Variants in PTPRG observed in about 807,000 individuals in gnomAD.
PTPRG encodes the protein protein tyrosine phosphatase receptor type G.
Under a neutral mutation model 165.3 loss-of-function variants are expected in PTPRG, and 102 were observed. The observed-to-expected ratio is 0.62, with a 90% CI of 0.53 to 0.73. PTPRG has a LOEUF of 0.73. Ranked by LOEUF, PTPRG falls within the 30% of genes least tolerant of loss-of-function variation. The pLI, the probability that PTPRG is intolerant of heterozygous loss-of-function variation, is 0.00. For synonymous variants in PTPRG, 675 were observed against 669.5 expected (o/e 1.01, Z -0.13); for missense variants, 1,866 against 1,861.4 (o/e 1.00, Z -0.05).
At chr3:62,116,798 T>A (rs1031636945) in intron 5 of PTPRG, among the ~76,000 whole-genome samples, 3 of 152,198 alleles carry the variant, frequency 2.0e-5, no homozygotes, top group African/African-American at 7.2e-5. Context: ...AACACACATT[T>A]CTTCTGGGAC....
chr3:61,876,603 C>T (rs1411442483), intron 2 of PTPRG, among the ~76,000 whole-genome samples: 1 of 152,092 alleles, frequency 6.6e-6, no homozygotes, highest in Non-Finnish European at 1.5e-5. Flanking sequence ...CATAACAAAA[C>T]TAGGTTAAAC....
intron 1 of PTPRG, among the ~76,000 whole-genome samples, chr3:61,744,441 C>T (rs565966734): frequency 3.9e-5 from 6 of 152,332 alleles, no homozygotes; most frequent in Admixed American, 1.3e-4. Context: ...TGCTAGGCTA[C>T]AAACCTGTAC....
In PTPRG at chr3:62,178,015, G is replaced by T. The variant is rs578006899; in HGVS notation, c.1033+9852G>T. ...TGCTATGGTAACTGTTGACTCCTCAGTAAATACTGGATTGGATGGGTTGTT... is the reference window on the plus strand; with the variant it reads ...TGCTATGGTAACTGTTGACTCCTCATTAAATACTGGATTGGATGGGTTGTT... On this transcript the variant is annotated intron_variant, in intron 8 of 29. Transcript: ENST00000474889. Among the ~76,000 whole-genome samples, 301 of 118,776 alleles carry T rather than the reference G, an allele frequency of 2.5e-3. 2 individuals carry two copies. The highest frequency in any genetic ancestry group is 9.0e-3 in the African/African-American group (282 of 31,342). 77.9% of individuals were successfully genotyped at this position (118,776 alleles called of 152,430 possible).
intron 5 of PTPRG, among the ~76,000 whole-genome samples, chr3:62,099,949 C>T (rs562645824): frequency 2.6e-5 from 4 of 151,878 alleles, no homozygotes; most frequent in Admixed American, 6.6e-5. Flanking sequence ...CAGGCGTGCA[C>T]CACCAAGCCC....
chr3:61,885,290 C>T (rs994640992), intron 2 of PTPRG, among the ~76,000 whole-genome samples: 1 of 152,066 alleles, frequency 6.6e-6, no homozygotes, highest in Non-Finnish European at 1.5e-5. Context: ...TTCAAAAAAC[C>T]ACCTGTGTGG....
At chr3:62,080,641 AAAAC>A (rs968414348) in intron 5 of PTPRG, among the ~76,000 whole-genome samples, 1 of 152,200 alleles carries the variant, frequency 6.6e-6, no homozygotes, top group African/African-American at 2.4e-5. Context: ...AAATTTAAAA[AAAAC>A]TTTTTAATGT....
At chr3:61,638,030 C>T (rs1437787132) in intron 1 of PTPRG, among the ~76,000 whole-genome samples, 1 of 151,808 alleles carries the variant, frequency 6.6e-6, no homozygotes, top group African/African-American at 2.4e-5. Flanking sequence ...GACGTAATTA[C>T]AAAAAAAATT....
chr3:61,983,323 A>C (rs1023179909), intron 2 of PTPRG, among the ~76,000 whole-genome samples: 1 of 152,172 alleles, frequency 6.6e-6, no homozygotes, highest in African/African-American at 2.4e-5. Flanking sequence ...AGCATTAATT[A>C]TAATAGGTAA....
rs1007555 is a variant in PTPRG at position 62,213,797 on chromosome 3, G to T, written c.2156-5054G>T. Among the ~76,000 whole-genome samples, 65,788 of 151,968 alleles carry T rather than the reference G, an allele frequency of 0.43. 14,835 individuals are homozygous for T. Among genetic ancestry groups the T allele is most frequent in the African/African-American group, 0.53 (22,093 of 41,422 alleles). On this transcript the variant is annotated intron_variant, in intron 12 of 29. Coordinates refer to ENST00000474889, the MANE Select transcript of PTPRG (RefSeq NM_002841.4). The surrounding 1 kb of genome is among the most constrained non-coding windows in gnomAD (Gnocchi z 4.4). ...TATAATGATATGGGTGTATACTCAG[G>T]GCCACATTTTGTGTGTTGTAGTAGT...
rs59813012 is a variant in PTPRG, at chr3:61,887,315, C to CT, written c.191-102309dup. ...AGCCCCTGGCAATCATTTCTTTGCT[C>CT]TAACTAAGAGCCATTAAACCAGTTC... is the stretch of plus-strand genomic sequence containing the variant. On this transcript the variant is annotated intron_variant, in intron 2 of 29. Coordinates refer to ENST00000474889, the MANE Select transcript of PTPRG (RefSeq NM_002841.4). Among the ~76,000 whole-genome samples, 605 of 151,774 alleles carry CT rather than the reference C, an allele frequency of 4.0e-3. 4 individuals carry two copies. The highest frequency in any genetic ancestry group is 0.014 in the African/African-American group (581 of 41,394).
At chr3:62,089,575 G>A (rs1701862845) in intron 5 of PTPRG, among the ~76,000 whole-genome samples, 1 of 152,196 alleles carries the variant, frequency 6.6e-6, no homozygotes, top group South Asian at 2.1e-4. Context: ...AGTAGTTGGT[G>A]CTCATATCAT....
chr3:61,651,944 A>G (rs1317402912), intron 1 of PTPRG, among the ~76,000 whole-genome samples: 2 of 152,166 alleles, frequency 1.3e-5, no homozygotes, highest in East Asian at 3.9e-4. Flanking sequence ...TGGGAGGCTG[A>G]GGTTGTAGTG....
intron 6 of PTPRG, among the ~76,000 whole-genome samples, chr3:62,141,753 A>G (rs932438239): frequency 6.6e-6 from 1 of 150,814 alleles, no homozygotes; most frequent in African/African-American, 2.4e-5. Flanking sequence ...AAAAAAAAAT[A>G]CAAAAATTAG....
At chr3:62,104,217 G>A (rs1225314421) in intron 5 of PTPRG, among the ~76,000 whole-genome samples, 2 of 152,086 alleles carry the variant, frequency 1.3e-5, no homozygotes, top group African/African-American at 4.8e-5. Flanking sequence ...CACTATTATG[G>A]TACTATTTTA....
intron 8 of PTPRG, among the ~76,000 whole-genome samples, chr3:62,184,400 G>A (rs1477588279): frequency 6.6e-6 from 1 of 152,164 alleles, no homozygotes; most frequent in African/African-American, 2.4e-5. Flanking sequence ...TCCTACGCGG[G>A]CTGCTGAGGA....
chr3:62,071,245 T>G (rs1466725201), intron 4 of PTPRG, among the ~76,000 whole-genome samples: 1 of 152,164 alleles, frequency 6.6e-6, no homozygotes, highest in Non-Finnish European at 1.5e-5. Flanking sequence ...GGACCATGTG[T>G]GGGGGGCACG....
chr3:62,274,541 A>G (rs1452991519), intron 23 of PTPRG, among the ~76,000 whole-genome samples: 3 of 152,120 alleles, frequency 2.0e-5, no homozygotes, highest in Admixed American at 6.6e-5. Context: ...TTTAAATTCT[A>G]TTTTGCACAT....
At chr3:61,831,625 A>G (rs192501046) in intron 2 of PTPRG, among the ~76,000 whole-genome samples, 19 of 152,296 alleles carry the variant, frequency 1.2e-4, no homozygotes, top group African/African-American at 3.8e-4. Flanking sequence ...CAGTTATTCT[A>G]TCTACAATTG....
At chr3:62,288,235 C>A (rs1326113374) in intron 28 of PTPRG, among the ~76,000 whole-genome samples, 1 of 149,888 alleles carries the variant, frequency 6.7e-6, no homozygotes, top group African/African-American at 2.4e-5. Context: ...GAAAAAGCAC[C>A]AGAGAAATCA....
Sources: allele counts gnomAD v4.1 joint callset (sites outside exome capture counted in the v4.1 genomes callset), GRCh38; gene constraint gnomAD v4.1.1; non-coding constraint Gnocchi (gnomAD v3.1); transcripts MANE v1.5; gene names NCBI Gene and HGNC (gene_info 2026-07-23, HGNC 2026-07-21).